ANKFN1: variants seen among roughly 807,000 people sequenced by gnomAD.
The protein encoded by ANKFN1 is ankyrin repeat and fibronectin type III domain containing 1.
ANKFN1 carries 74 observed loss-of-function variants against 108.7 expected under a neutral mutation model. The observed-to-expected ratio is 0.68, with a 90% CI of 0.56 to 0.83. ANKFN1 has a LOEUF of 0.83. Ranked by LOEUF, ANKFN1 falls within the 40% of genes least tolerant of loss-of-function variation. The pLI, the probability that ANKFN1 is intolerant of heterozygous loss-of-function variation, is 0.00. For synonymous variants in ANKFN1, 547 were observed against 516.2 expected, an observed-to-expected ratio of 1.06 and a Z score of -0.81; for missense variants, 1,505 against 1,382.3, an observed-to-expected ratio of 1.09 and a Z score of -1.41.
chr17:56,491,917 T>C (rs2051052270), intron 18 of ANKFN1, among the ~76,000 whole-genome samples: 1 of 152,152 alleles, frequency 6.6e-6, no homozygotes, highest in East Asian at 1.9e-4. Context: ...GCCCCAACTT[T>C]AGGGAAAAGT....
intron 1 of ANKFN1, among the ~76,000 whole-genome samples, chr17:56,188,504 A>T (rs1195923609): frequency 2.0e-5 from 3 of 147,278 alleles, no homozygotes; most frequent in African/African-American, 7.5e-5. Context: ...GTGTATGCAT[A>T]TGCATTTCTT....
chr17:56,456,754 G>A, intron 11 of ANKFN1, 107 bp from the exon 12 acceptor site: 1 of 861,686 alleles, frequency 1.2e-6, no homozygotes, highest in Non-Finnish European at 1.9e-6. Flanking sequence ...GAGGATAAGT[G>A]ACACTAAAGG....
At chr17:56,448,002 T>C (rs955257767) in intron 10 of ANKFN1, among the ~76,000 whole-genome samples, 2 of 152,184 alleles carry the variant, frequency 1.3e-5, no homozygotes, top group Admixed American at 6.5e-5. Context: ...TTAACTGTCA[T>C]GACATCTAAT....
intron 15 of ANKFN1, among the ~76,000 whole-genome samples, chr17:56,474,669 G>C (rs964230733): frequency 6.6e-6 from 1 of 152,142 alleles, no homozygotes; most frequent in African/African-American, 2.4e-5. Context: ...TGTCTAGCAA[G>C]TATCCCAAGG....
chr17:56,208,987 C>T (rs1159794869), intron 1 of ANKFN1, among the ~76,000 whole-genome samples: 1 of 152,114 alleles, frequency 6.6e-6, no homozygotes, highest in Non-Finnish European at 1.5e-5. Context: ...AACCCATTCT[C>T]CTGCCTAGGC....
chr17:56,423,002 A>G (rs1195023176), intron 8 of ANKFN1, among the ~76,000 whole-genome samples: 1 of 152,184 alleles, frequency 6.6e-6, no homozygotes, highest in Admixed American at 6.5e-5. Context: ...TGTCAACACA[A>G]CTGCAGTCAG....
chr17:56,312,108 C>A (rs1286741948), intron 3 of ANKFN1, among the ~76,000 whole-genome samples: 1 of 152,212 alleles, frequency 6.6e-6, no homozygotes, highest in Non-Finnish European at 1.5e-5. Flanking sequence ...GTTGGTCTGA[C>A]TGCAGTGGGT....
intron 3 of ANKFN1, among the ~76,000 whole-genome samples, chr17:56,309,755 G>C (rs554136269): frequency 1.6e-4 from 24 of 152,248 alleles, no homozygotes; most frequent in African/African-American, 5.5e-4. Flanking sequence ...ATGAGGCACA[G>C]TAAGTTATTA....
chr17:56,463,249 C>T (rs1020817061), intron 14 of ANKFN1, among the ~76,000 whole-genome samples: 1 of 152,120 alleles, frequency 6.6e-6, no homozygotes, highest in Non-Finnish European at 1.5e-5. Flanking sequence ...CAGATCATAA[C>T]ACTAGGGCCT....
intron 4 of ANKFN1, among the ~76,000 whole-genome samples, chr17:56,119,008 A>T (rs1478864055): frequency 6.6e-6 from 1 of 152,120 alleles, no homozygotes; most frequent in East Asian, 1.9e-4. Context: ...AGGTTCGAGG[A>T]GGTGAAAAGG....
chr17:56,362,570 C>T (rs2046550523), intron 6 of ANKFN1, among the ~76,000 whole-genome samples: 2 of 152,126 alleles, frequency 1.3e-5, no homozygotes, highest in African/African-American at 4.8e-5. Context: ...AAACTGGACC[C>T]TTATCTCATA....
intron 8 of ANKFN1, among the ~76,000 whole-genome samples, chr17:56,407,749 T>C (rs2047964150): frequency 6.6e-6 from 1 of 152,088 alleles, no homozygotes; most frequent in Non-Finnish European, 1.5e-5. Context: ...CTGTAGGACA[T>C]TTTAGCTACA....
chr17:56,480,699 G>T lies in ANKFN1; in HGVS notation c.1972G>T (p.Gly658Cys), dbSNP rs780108597. 34 of 1,613,822 alleles carry T rather than the reference G, an allele frequency of 2.1e-5. No homozygotes were observed. Among genetic ancestry groups the T allele is most frequent in the Non-Finnish European group, 2.5e-5 (30 of 1,179,922 alleles). Residue 658 changes from glycine (G) to cysteine (C), a missense_variant, in exon 17 of 21, where the codon GGC becomes TGC. By Grantham distance (159) the Gly-to-Cys change is radical (BLOSUM62 -3). Transcript: ENST00000682825. ...ATGGGAATGGATCCAAAAGCTTTCT[G>T]GCTCTGAATCTATGGAAAGTGTGGA... Reference protein sequence around the residue: ...EEWEWIQKLSGSESMESVDHT... With the variant: ...EEWEWIQKLSCSESMESVDHT...
chr17:56,088,932 G>A (rs548239834), intron 4 of ANKFN1, among the ~76,000 whole-genome samples: 1 of 151,330 alleles, frequency 6.6e-6, no homozygotes, highest in African/African-American at 2.4e-5. Context: ...TTCTGGCTTG[G>A]TCTAGCATGG....
chr17:56,257,093 T>C (rs1480697328), intron 3 of ANKFN1, among the ~76,000 whole-genome samples: 2 of 152,232 alleles, frequency 1.3e-5, no homozygotes, highest in Non-Finnish European at 2.9e-5. Flanking sequence ...TGGGACCAAC[T>C]TCAAAGTGTT....
At position 56,512,430 on chromosome 17, in the gene ANKFN1, A is replaced by G. The variant is rs548882969; in HGVS notation, c.*1161A>G. Among the ~76,000 whole-genome samples the G allele has an allele frequency of 6.6e-6, 1 of 152,350 alleles. No individual in the cohort carries two copies. Among genetic ancestry groups the G allele is most frequent in the Non-Finnish European group, 1.5e-5 (1 of 68,034 alleles). ...ATCTGGCCCAATTGGCATCAGGGAA[A>G]ATATGCTCAGAAGCCTTTACAAGTG... On this transcript the variant is annotated 3_prime_UTR_variant, in exon 21 of 21. Transcript: ENST00000682825.
At chr17:56,167,247 ATATG>A (rs1487887459) in intron 1 of ANKFN1, among the ~76,000 whole-genome samples, 2 of 140,874 alleles carry the variant, frequency 1.4e-5, no homozygotes, top group African/African-American at 2.6e-5. Context: ...GTGTGTGTAT[ATATG>A]TATGTGTGTG....
At position 56,457,511 on chromosome 17, in the gene ANKFN1, C is replaced by T. The variant is rs1332546497; in HGVS notation, c.1440+122C>T. 7 of 1,146,050 alleles carry T rather than the reference C, an allele frequency of 6.1e-6. No homozygotes were observed. The Admixed American group carries it at 1.8e-4, about 30-fold the overall frequency. 71.0% of individuals were successfully genotyped at this position (1,146,050 alleles called of 1,614,324 possible). On this transcript the variant is annotated intron_variant, in intron 13 of 20. Coordinates refer to ENST00000682825, the MANE Select transcript of ANKFN1 (RefSeq NM_001370326.1). ...GTTTTGGGGTAGAAATAAAGTATCT[C>T]CAAGGTCCTTTTCAGCCCTGGTATG... is the stretch of plus-strand genomic sequence containing the variant.
chr17:56,170,658 G>A (rs1194250497), intron 1 of ANKFN1, among the ~76,000 whole-genome samples: 1 of 150,826 alleles, frequency 6.6e-6, no homozygotes, highest in African/African-American at 2.4e-5. Flanking sequence ...AGCCACTTGG[G>A]AGGCTGAGGC....
Sources: gnomAD v4.1 joint callset for allele counts (sites outside exome capture counted in the v4.1 genomes callset) on GRCh38, gnomAD v4.1.1 for gene constraint, MANE v1.5 for transcripts, NCBI Gene and HGNC (gene_info 2026-07-23, HGNC 2026-07-21) for gene names.